UBE2V2: variants seen among roughly 807,000 people sequenced by gnomAD.
UBE2V2 encodes ubiquitin conjugating enzyme E2 V2.
A neutral mutation model predicts 17.2 loss-of-function variants in UBE2V2; 9 were observed. The observed-to-expected ratio is 0.52, with a 90% confidence interval of 0.32 to 0.91. The LOEUF is 0.91. Ranked by LOEUF, UBE2V2 falls within the 40% of genes least tolerant of loss-of-function variation. The probability of loss-of-function intolerance (pLI) is 0.04; values close to 1 mark genes in which losing one functional copy is unlikely to be tolerated. For synonymous variants in UBE2V2, 61 were observed against 57.5 expected, an observed-to-expected ratio of 1.06 and a Z score of -0.28; for missense variants, 133 against 182.6, an observed-to-expected ratio of 0.73 and a Z score of 1.56.
chr8:48,020,582 G>A (rs2091298064), intron 1 of UBE2V2, among the ~76,000 whole-genome samples: 1 of 151,922 alleles, frequency 6.6e-6, no homozygotes, highest in African/African-American at 2.4e-5. Context: ...CCTCTCCTAT[G>A]GTCTTCTTTG....
chr8:48,008,853 C>G (rs1479320268), intron 1 of UBE2V2, among the ~76,000 whole-genome samples: 1 of 152,124 alleles, frequency 6.6e-6, no homozygotes, highest in Non-Finnish European at 1.5e-5. Context: ...CAACCGGCAC[C>G]GAAGATGGGT....
chr8:48,009,127 A>G (rs543584146), intron 1 of UBE2V2, among the ~76,000 whole-genome samples: 12 of 152,300 alleles, frequency 7.9e-5, no homozygotes, highest in African/African-American at 2.6e-4. Context: ...TACTGAATAC[A>G]ATGTTTGGTT....
intron 1 of UBE2V2, among the ~76,000 whole-genome samples, chr8:48,017,834 T>A (rs919979558): frequency 1.3e-5 from 2 of 151,554 alleles, no homozygotes; most frequent in Non-Finnish European, 2.9e-5. Context: ...TTCTAGTAGT[T>A]TCATAGATTG....
chr8:48,038,165 C>G (rs2091437393), intron 1 of UBE2V2, among the ~76,000 whole-genome samples: 1 of 152,156 alleles, frequency 6.6e-6, no homozygotes, highest in Non-Finnish European at 1.5e-5. Context: ...CATATACCCA[C>G]CCTGGCTATT....
Position 48,062,629 on chromosome 8 carries a change from G to A in UBE2V2, c.*1801G>A, listed in dbSNP as rs891517157. ...AGAAAAATATTAATAATTGACCTTG[G>A]CTGTATATTAAAATAGTTACTTTTA... On this transcript the variant is annotated 3_prime_UTR_variant, in exon 4 of 4. Transcript: ENST00000523111. 2 of 151,570 alleles carry A rather than the reference G, an allele frequency of 1.3e-5. No homozygotes were observed. The highest frequency in any genetic ancestry group is 4.8e-5 in the African/African-American group (2 of 41,300). The allele number at this position is 151,570 out of a possible 1,614,324, so 9.4% of individuals were successfully genotyped here. A position where few individuals can be genotyped will look rare whatever the true frequency, so the allele number is the denominator to read the frequency against.
chr8:47,998,893 A>G, the UBE2V2 span, among the ~76,000 whole-genome samples: 1 of 152,106 alleles, frequency 6.6e-6, no homozygotes, highest in Non-Finnish European at 1.5e-5. Flanking sequence ...TGAGGGGTTT[A>G]TATTGGGGAA....
At chr8:48,008,288 A>T, upstream of UBE2V2, 1 of 768,246 alleles carries the variant, frequency 1.3e-6, no homozygotes, top group Non-Finnish European at 1.8e-6. Context: ...CGGAAACAGC[A>T]GCGAGGCCCC....
At chr8:48,059,143 C>T (rs1004983975) in intron 3 of UBE2V2, among the ~76,000 whole-genome samples, 3 of 151,776 alleles carry the variant, frequency 2.0e-5, no homozygotes, top group African/African-American at 7.3e-5. Context: ...CTGTGTTGCC[C>T]AGGCTGTTCT....
intron 3 of UBE2V2, among the ~76,000 whole-genome samples, chr8:48,059,186 C>T (rs1264445117): frequency 1.3e-5 from 2 of 151,826 alleles, no homozygotes; most frequent in Non-Finnish European, 2.9e-5. Context: ...CCGCCCGCCT[C>T]GGCCTCCCAA....
chr8:48,045,753 A>G (rs1398151731), intron 2 of UBE2V2, among the ~76,000 whole-genome samples: 1 of 152,086 alleles, frequency 6.6e-6, no homozygotes, highest in Admixed American at 6.6e-5. Flanking sequence ...TCACCACCTG[A>G]TGATCTTCTC....
intron 3 of UBE2V2, among the ~76,000 whole-genome samples, chr8:48,052,279 G>T (rs1332647802): frequency 1.3e-5 from 2 of 152,170 alleles, no homozygotes; most frequent in African/African-American, 2.4e-5. Flanking sequence ...ACCTTTGTTA[G>T]ATTTTGCTAC....
rs1025291683 is a variant in UBE2V2 at position 48,063,679 on chromosome 8, A to G, written c.*2851A>G. The G allele has an allele frequency of 6.6e-6, 1 of 152,208 alleles. No individual in the cohort carries two copies. The highest frequency in any genetic ancestry group is 1.5e-5 in the Non-Finnish European group (1 of 68,038). The allele number at this position is 152,208 out of a possible 1,614,324, so 9.4% of individuals were successfully genotyped here. ...TTTTGTTGTGGGTTTATGTGTAACT[A>G]CAGGATTTTGGAACATAAACATTTT... On this transcript the variant is annotated 3_prime_UTR_variant, in exon 4 of 4. Coordinates refer to ENST00000523111, the MANE Select transcript of UBE2V2 (RefSeq NM_003350.3).
intron 1 of UBE2V2, among the ~76,000 whole-genome samples, chr8:48,009,049 C>G: frequency 6.6e-6 from 1 of 152,040 alleles, no homozygotes; most frequent in Non-Finnish European, 1.5e-5. Flanking sequence ...AAATAAAAGA[C>G]CAGAGCAAGA....
chr8:48,023,146 T>G (rs1563851023), intron 1 of UBE2V2, among the ~76,000 whole-genome samples: 1 of 152,144 alleles, frequency 6.6e-6, no homozygotes, highest in Non-Finnish European at 1.5e-5. Flanking sequence ...TTGGAGACCC[T>G]TCAACCTGTA....
At chr8:48,035,112 T>G in intron 1 of UBE2V2, 18 of 858,888 alleles carry the variant, frequency 2.1e-5, no homozygotes, top group South Asian at 1.1e-4. Flanking sequence ...TTATTCTTTT[T>G]TTTTTTTTTT....
intron 1 of UBE2V2, chr8:48,035,194 C>A: frequency 1.1e-6 from 1 of 904,408 alleles, no homozygotes. Flanking sequence ...CAGCTCACTG[C>A]TACTTCTGCC....
chr8:48,010,854 C>T (rs201526859), intron 1 of UBE2V2, among the ~76,000 whole-genome samples: 4 of 150,188 alleles, frequency 2.7e-5, no homozygotes, highest in Non-Finnish European at 4.4e-5. Flanking sequence ...CATGCCACCA[C>T]GCCCAGCAAA....
At chr8:48,047,597 AC>A (rs1461557872) in intron 2 of UBE2V2, among the ~76,000 whole-genome samples, 2 of 150,792 alleles carry the variant, frequency 1.3e-5, no homozygotes, top group Non-Finnish European at 2.9e-5. Context: ...TTGCTTTGCC[AC>A]CCAGGCTGGA....
chr8:48,058,504 C>T (rs772887611), intron 3 of UBE2V2, among the ~76,000 whole-genome samples: 15 of 148,452 alleles, frequency 1.0e-4, no homozygotes, highest in South Asian at 4.2e-4. Context: ...CCAGGGAGGT[C>T]GAAGCTGCAG....
Sources: gnomAD v4.1 joint callset for allele counts (sites outside exome capture counted in the v4.1 genomes callset) on GRCh38, gnomAD v4.1.1 for gene constraint, MANE v1.5 for transcripts, NCBI Gene and HGNC (gene_info 2026-07-23, HGNC 2026-07-21) for gene names.